The following DDX60 variants were observed in gnomAD, a reference collection of about 807,000 sequenced individuals.
The protein encoded by DDX60 is DExD/H-box helicase 60, also known as probable ATP-dependent RNA helicase DDX60.
In DDX60, 165 loss-of-function variants were observed where a neutral mutation model predicts 212.8. The ratio of observed to expected loss-of-function variants is 0.78; its 90% confidence interval spans 0.68 to 0.88. The LOEUF (loss-of-function observed/expected upper bound fraction) is 0.88. Ranked by LOEUF, DDX60 falls within the 40% of genes least tolerant of loss-of-function variation. The probability of loss-of-function intolerance (pLI) is 0.00; values close to 1 mark genes in which losing one functional copy is unlikely to be tolerated. For synonymous variants in DDX60, 703 were observed against 685.3 expected (o/e 1.03, Z -0.40); for missense variants, 1,905 against 2,003.9 (o/e 0.95, Z 0.94).
intron 33 of DDX60, among the ~76,000 whole-genome samples, chr4:168,229,500 A>G (rs1733372216): frequency 6.6e-6 from 1 of 152,012 alleles, no homozygotes; most frequent in African/African-American, 2.4e-5. Context: ...TTTCCTGGAC[A>G]GAACCTGGGG....
intron 34 of DDX60, 63 bp downstream of exon 34, chr4:168,225,466 C>A: frequency 6.9e-7 from 1 of 1,455,732 alleles, no homozygotes; most frequent in Non-Finnish European, 9.3e-7. Context: ...CCAGAATAAA[C>A]TATTCTTAGG....
intron 27 of DDX60, among the ~76,000 whole-genome samples, chr4:168,251,793 A>G (rs912308898): frequency 6.6e-6 from 1 of 152,228 alleles, no homozygotes; most frequent in African/African-American, 2.4e-5. Context: ...AATGATACAT[A>G]TATGTGTACA....
intron 33 of DDX60, among the ~76,000 whole-genome samples, chr4:168,229,243 G>C (rs189817912): frequency 2.0e-5 from 3 of 152,228 alleles, no homozygotes; most frequent in Admixed American, 2.0e-4. Context: ...ATCATCAATG[G>C]GGAAACTGAA....
chr4:168,318,474 T>G (rs1737504158), intron 1 of DDX60, 148 bp downstream of exon 1: 1 of 152,448 alleles, frequency 6.6e-6, no homozygotes, highest in African/African-American at 2.4e-5. Flanking sequence ...GCCACGGCCT[T>G]GCGATCCCAG....
At chr4:168,240,957 G>A (rs376872803) in intron 30 of DDX60, among the ~76,000 whole-genome samples, 15 of 152,264 alleles carry the variant, frequency 9.9e-5, no homozygotes, top group East Asian at 5.8e-4. Flanking sequence ...CACAATTCCC[G>A]CATGTCATAG....
intron 35 of DDX60, among the ~76,000 whole-genome samples, chr4:168,222,092 G>C (rs1447641319): frequency 6.6e-6 from 1 of 151,994 alleles, no homozygotes; most frequent in Non-Finnish European, 1.5e-5. Flanking sequence ...GAAGATTATT[G>C]CCTCCACAAA....
intron 25 of DDX60, 75 bp downstream of exon 25, chr4:168,260,790 G>A: frequency 7.6e-7 from 1 of 1,318,028 alleles, no homozygotes; most frequent in Non-Finnish European, 1.1e-6. Context: ...GTGGCCTGGA[G>A]GTTGGGGACC....
intron 1 of DDX60, among the ~76,000 whole-genome samples, chr4:168,316,371 T>C (rs1240873530): frequency 6.6e-6 from 1 of 152,182 alleles, no homozygotes; most frequent in Non-Finnish European, 1.5e-5. Flanking sequence ...CAAACTGCTG[T>C]AAAATATGAT....
At chr4:168,285,332 C>G in intron 11 of DDX60, 61 bp downstream of exon 11, 1 of 938,948 alleles carries the variant, frequency 1.1e-6, no homozygotes, top group South Asian at 1.5e-5. Flanking sequence ...AAATAATCCT[C>G]GTTGAGTAAC....
In DDX60 at chr4:168,280,582, C is replaced by T; in HGVS notation, c.1731G>A (p.Lys577=). 2 of 1,608,926 alleles carry T rather than the reference C, an allele frequency of 1.2e-6. No homozygotes were observed. Among genetic ancestry groups the T allele is most frequent in the Non-Finnish European group, 1.7e-6 (2 of 1,178,294 alleles). ...GPKSKKAHET[K]AEIIARENKK... ...TATTCTCTCTAGCAATTATTTCAGC[C>T]TTGGTCTCCTGCCCCAAAGGAAAAA... Residue 577 remains lysine (K), a synonymous_variant, in exon 14 of 38, where the codon AAG becomes AAA. Transcript: ENST00000393743.
intron 34 of DDX60, among the ~76,000 whole-genome samples, chr4:168,225,292 G>A (rs1282602563): frequency 2.6e-5 from 4 of 151,960 alleles, no homozygotes. Flanking sequence ...AGTTTTCCAG[G>A]CTTGACCCTG....
chr4:168,319,143 T>TA (rs1302590307), upstream of DDX60, among the ~76,000 whole-genome samples: 1 of 152,144 alleles, frequency 6.6e-6, no homozygotes, highest in Admixed American at 6.5e-5. Flanking sequence ...TATACATGTA[T>TA]TGAAACGTCA....
intron 18 of DDX60, among the ~76,000 whole-genome samples, chr4:168,272,891 C>T (rs1409970430): frequency 1.3e-5 from 2 of 152,082 alleles, no homozygotes; most frequent in Non-Finnish European, 1.5e-5. Flanking sequence ...ACCAGGTATA[C>T]GATCCATAAT....
chr4:168,283,537 T>C lies in DDX60; in HGVS notation c.1631A>G (p.Asn544Ser). The change falls in exon 13 of 38, where the codon AAT (asparagine) becomes AGT (serine). Residue 544 changes from asparagine to serine, a missense_variant. Asn to Ser is a conservative substitution (Grantham distance 46). Transcript: ENST00000393743. ...TTTCGAAGAGACTGTTTCTAATGAA[T>C]TCCCATAAAACCGTTGGAAAACATG... ...KYHVFQRFYG[N>S]SLETVSSKII... 1.9e-6 allele frequency: 3 copies of C among 1,613,368 alleles called. No individual in the cohort carries two copies. The highest frequency in any genetic ancestry group is 1.7e-4 in the Middle Eastern group (1 of 6,058).
At position 168,221,796 on chromosome 4, in the gene DDX60, G is replaced by A. The variant is rs779115149; in HGVS notation, c.4910C>T (p.Ser1637Leu). 3.6e-5 allele frequency: 58 copies of A among 1,613,156 alleles called. No homozygotes were observed. The highest frequency in any genetic ancestry group is 4.4e-5 in the South Asian group (4 of 90,998). Residue 1637 changes from serine to leucine, a missense_variant, in exon 36 of 38, where the codon TCG becomes TTG. Physicochemically the swap from Ser to Leu is moderately radical, Grantham distance 145. Coordinates refer to ENST00000393743, the MANE Select transcript of DDX60 (RefSeq NM_017631.6). ...QKFDNRGRKMSLNAYALDFYK... is the reference protein window; with the variant it reads ...QKFDNRGRKMLLNAYALDFYK... The stretch of plus-strand genomic sequence containing the variant: ...GAAATCCAGTGCATAGGCATTAAGC[G>A]ACATTTTCCTTCCTCGGTTATCAAA...
chr4:168,292,404 C>T (rs1225552963), intron 7 of DDX60, among the ~76,000 whole-genome samples: 2 of 152,082 alleles, frequency 1.3e-5, no homozygotes, highest in Non-Finnish European at 2.9e-5. Context: ...ATAACATAAA[C>T]TCTACTGCAT....
intron 28 of DDX60, 69 bp from the exon 29 acceptor site, chr4:168,248,361 A>G: frequency 8.3e-7 from 1 of 1,202,204 alleles, no homozygotes; most frequent in Non-Finnish European, 1.1e-6. Context: ...TTCCTGTCAT[A>G]AAGTTGCTGA....
chr4:168,293,674 A>C, intron 7 of DDX60, 113 bp downstream of exon 7: 1 of 936,866 alleles, frequency 1.1e-6, no homozygotes, highest in Admixed American at 2.6e-5. Context: ...TGAAGTTTAT[A>C]TAAATAAGAG....
rs928378739 is a variant in DDX60 at position 168,276,170 on chromosome 4, T to C, written c.1990A>G (p.Lys664Glu). Residue 664 changes from lysine (K) to glutamate (E), a missense_variant, in exon 15 of 38, where the codon AAA becomes GAA. Lys to Glu is a moderately conservative substitution (Grantham distance 56). Coordinates refer to ENST00000393743, the MANE Select transcript of DDX60 (RefSeq NM_017631.6). The stretch of plus-strand genomic sequence containing the variant: ...ACCTGAACAGCTATACTTAAATCTT[T>C]CGTGGTTTTACCTTGATAAACAATA... ...HCRSEEGKTT[K>E]DLSIAVQVMK... The C allele has an allele frequency of 1.4e-5, 22 of 1,605,512 alleles. No individual in the cohort carries two copies. Among genetic ancestry groups the C allele is most frequent in the Non-Finnish European group, 1.8e-5 (21 of 1,175,648 alleles).
Sources: gnomAD v4.1 joint callset for allele counts (sites outside exome capture counted in the v4.1 genomes callset) on GRCh38, gnomAD v4.1.1 for gene constraint, MANE v1.5 for transcripts, NCBI Gene and HGNC (gene_info 2026-07-23, HGNC 2026-07-21) for gene names.